MBNL1: variants seen among roughly 807,000 people sequenced by gnomAD.
The protein encoded by MBNL1 is muscleblind like splicing regulator 1.
Under a neutral mutation model 42.2 loss-of-function variants are expected in MBNL1, and 8 were observed. The observed-to-expected ratio is 0.19, with a 90% CI of 0.11 to 0.34. The LOEUF is 0.34. Ranked by LOEUF, MBNL1 falls within the 10% of genes least tolerant of loss-of-function variation. The probability of loss-of-function intolerance (pLI) is 1.00; values close to 1 mark genes in which losing one functional copy is unlikely to be tolerated. For synonymous variants in MBNL1, 169 were observed against 173.9 expected, an observed-to-expected ratio of 0.97 and a Z score of 0.22; for missense variants, 309 against 495.3, an observed-to-expected ratio of 0.62 and a Z score of 3.57.
At chr3:152,407,115 C>T (rs2098449832) in intron 2 of MBNL1, among the ~76,000 whole-genome samples, 1 of 141,352 alleles carries the variant, frequency 7.1e-6, no homozygotes, top group Admixed American at 7.2e-5. Context: ...GAAAAATCTA[C>T]ATTTGTTTTA....
chr3:152,432,846 G>A lies in MBNL1; in HGVS notation c.475G>A (p.Gly159Arg), dbSNP rs775252592. ...ILPTAPMLVTGNPGVPVPAAA... is the reference protein window; with the variant it reads ...ILPTAPMLVTRNPGVPVPAAA... Reference sequence around the variant, plus strand: ...GCCGACTGCACCAATGTTGGTTACAGGGAATCCGGGTGTCCCTGTACCTGC... The same window carrying A: ...GCCGACTGCACCAATGTTGGTTACAAGGAATCCGGGTGTCCCTGTACCTGC... The change falls in exon 4 of 10, where the codon GGG becomes AGG. Residue 159 changes from glycine (G) to arginine (R), a missense_variant. By Grantham distance (125) the Gly-to-Arg change is moderately radical (BLOSUM62 -2). Coordinates refer to ENST00000324210, the MANE Select transcript of MBNL1 (RefSeq NM_021038.5). The A allele has an allele frequency of 6.2e-7, 1 of 1,614,190 alleles. No homozygotes were observed. The highest frequency in any genetic ancestry group is 8.5e-7 in the Non-Finnish European group (1 of 1,180,026).
At chr3:152,385,443 T>C (rs562836335) in intron 2 of MBNL1, among the ~76,000 whole-genome samples, 1 of 152,030 alleles carries the variant, frequency 6.6e-6, no homozygotes, top group Non-Finnish European at 1.5e-5. Flanking sequence ...AATTAGACAT[T>C]AGATGTTAAA....
intron 2 of MBNL1, among the ~76,000 whole-genome samples, chr3:152,346,881 TAAAA>T (rs35680881): frequency 2.1e-5 from 3 of 141,848 alleles, no homozygotes. Flanking sequence ...TCACTTTAAT[TAAAA>T]AAAAAAAAAA....
chr3:152,399,600 C>T (rs758668138), intron 2 of MBNL1, among the ~76,000 whole-genome samples: 11 of 152,012 alleles, frequency 7.2e-5, no homozygotes, highest in Admixed American at 5.9e-4. Context: ...GCAGCCTCAA[C>T]TTCTTGGGCT....
At chr3:152,362,284 G>A (rs1482233311) in intron 2 of MBNL1, among the ~76,000 whole-genome samples, 6 of 152,152 alleles carry the variant, frequency 3.9e-5, no homozygotes, top group South Asian at 2.1e-4. Flanking sequence ...ACTGCCGCGC[G>A]GATCCACTGG....
chr3:152,290,450 A>C (rs1038043267), intron 1 of MBNL1, among the ~76,000 whole-genome samples: 1 of 152,014 alleles, frequency 6.6e-6, no homozygotes, highest in East Asian at 1.9e-4. Context: ...TGTGAGAGGG[A>C]AAGTTGGAAT....
At chr3:152,268,834 G>A, upstream of MBNL1, 1 of 453,868 alleles carries the variant, frequency 2.2e-6, no homozygotes, top group Non-Finnish European at 4.4e-6. Flanking sequence ...GTCCGCCCTG[G>A]GCTTCCTGGT....
At chr3:152,265,084 A>G (rs1465399402), upstream of MBNL1, 5 of 152,316 alleles carry the variant, frequency 3.3e-5, no homozygotes, top group East Asian at 5.8e-4. Flanking sequence ...TTTGAATTCT[A>G]CAAAAGAAGG....
At chr3:152,455,671 G>T in intron 7 of MBNL1, 94 bp downstream of exon 7, 1 of 1,107,704 alleles carries the variant, frequency 9.0e-7, no homozygotes, top group Non-Finnish European at 1.4e-6. Context: ...ATATCTATTG[G>T]GCAAGTCCAT....
Position 152,300,292 on chromosome 3 carries a change from A to T in MBNL1, c.99A>T (p.Glu33Asp). 1 of 1,614,010 alleles carries T rather than the reference A, an allele frequency of 6.2e-7. No homozygotes were observed. Residue 33 changes from glutamate to aspartate, a missense_variant, in exon 2 of 10, where the codon GAA becomes GAT. Glu to Asp is a conservative substitution (Grantham distance 45). Coordinates refer to ENST00000324210, the MANE Select transcript of MBNL1 (RefSeq NM_021038.5). ...QRGTCSRPDT[E>D]CKFAHPSKSC... ...GGACTTGCTCACGGCCAGACACGGA[A>T]TGTAAATTTGCACATCCTTCGAAAA... is the stretch of plus-strand genomic sequence containing the variant.
At chr3:152,449,322 A>G (rs1716959056) in intron 6 of MBNL1, 3 of 152,232 alleles carry the variant, frequency 2.0e-5, no homozygotes, top group Admixed American at 2.0e-4. Context: ...ACAGTCAGTT[A>G]CAGATTGAAC....
At chr3:152,316,279 A>G (rs970580455) in intron 2 of MBNL1, among the ~76,000 whole-genome samples, 4 of 152,230 alleles carry the variant, frequency 2.6e-5, no homozygotes, top group African/African-American at 9.6e-5. Context: ...GAACTTTAAC[A>G]GTAGAAAAGT....
rs1001073395 is a variant in MBNL1, at chr3:152,461,908, T to A, written c.*19-477T>A. Among the ~76,000 whole-genome samples, 3 of 152,162 alleles carry A rather than the reference T, an allele frequency of 2.0e-5. No homozygotes were observed. The South Asian group carries it at 6.2e-4, about 31-fold the overall frequency. On this transcript the variant is annotated intron_variant, in intron 9 of 9. Coordinates refer to ENST00000324210, the MANE Select transcript of MBNL1 (RefSeq NM_021038.5). ...TTACCCAAAGCCATCACTTAAAGTATCATTCTTTTTTTTTCAAACATGCAT... is the reference window on the plus strand; with the variant it reads ...TTACCCAAAGCCATCACTTAAAGTAACATTCTTTTTTTTTCAAACATGCAT...
At chr3:152,310,299 T>G (rs911545517) in intron 2 of MBNL1, among the ~76,000 whole-genome samples, 1 of 152,218 alleles carries the variant, frequency 6.6e-6, no homozygotes, top group Non-Finnish European at 1.5e-5. Context: ...ATTCCCCTGA[T>G]TTGATCCTCA....
At chr3:152,394,877 C>T (rs761381641) in intron 2 of MBNL1, among the ~76,000 whole-genome samples, 4 of 151,910 alleles carry the variant, frequency 2.6e-5, no homozygotes, top group African/African-American at 4.8e-5. Context: ...TTTTTTGTCC[C>T]GAGAGGGAGT....
chr3:152,388,030 C>T (rs1182899797), intron 2 of MBNL1, among the ~76,000 whole-genome samples: 2 of 152,162 alleles, frequency 1.3e-5, no homozygotes, highest in Admixed American at 6.5e-5. Flanking sequence ...GTTCTCAGAA[C>T]CACAGGCCTT....
intron 2 of MBNL1, among the ~76,000 whole-genome samples, chr3:152,317,306 C>A (rs572409184): frequency 6.6e-6 from 1 of 152,172 alleles, no homozygotes; most frequent in Non-Finnish European, 1.5e-5. Flanking sequence ...TAAAGAATTT[C>A]AAATTATTTA....
chr3:152,340,672 G>T (rs769755729), intron 2 of MBNL1: 2 of 1,613,962 alleles, frequency 1.2e-6, no homozygotes, highest in East Asian at 2.2e-5. Context: ...AATCTTATTC[G>T]CATAATACCT....
intron 3 of MBNL1, 112 bp from the exon 4 acceptor site, chr3:152,432,605 G>A: frequency 1.1e-6 from 1 of 877,660 alleles, no homozygotes; most frequent in Non-Finnish European, 1.9e-6. Flanking sequence ...AAGGGAAGGA[G>A]GGAAGGCCTA....
Sources: gnomAD v4.1 joint callset for allele counts (sites outside exome capture counted in the v4.1 genomes callset) on GRCh38, gnomAD v4.1.1 for gene constraint, MANE v1.5 for transcripts, NCBI Gene and HGNC (gene_info 2026-07-23, HGNC 2026-07-21) for gene names.